The following MAN2A1 variants were observed in gnomAD, a reference collection of about 807,000 sequenced individuals.
MAN2A1 encodes alpha-mannosidase 2.
In MAN2A1, 76 loss-of-function variants were observed where a neutral mutation model predicts 142.6. The observed-to-expected ratio is 0.53, with a 90% CI of 0.44 to 0.65. MAN2A1 has a LOEUF of 0.65. MAN2A1 is among the 30% of genes least tolerant of loss of function. The pLI, the probability that MAN2A1 is intolerant of heterozygous loss-of-function variation, is 0.00. For synonymous variants in MAN2A1, 559 were observed against 473.2 expected, an observed-to-expected ratio of 1.18 and a Z score of -2.35; for missense variants, 1,311 against 1,365.1, an observed-to-expected ratio of 0.96 and a Z score of 0.62.
At chr5:109,733,248 TAAG>T (rs1323676191) in intron 4 of MAN2A1, among the ~76,000 whole-genome samples, 1 of 152,208 alleles carries the variant, frequency 6.6e-6, no homozygotes, top group Non-Finnish European at 1.5e-5. Context: ...CTTATCAGCT[TAAG>T]GAGATTTTGG....
In MAN2A1 at chr5:109,735,549, C is replaced by T. The variant is rs572034193; in HGVS notation, c.707+6036C>T. ...CCATGTTTAGTGCTTCCTTCAGGAG[C>T]CCACTGTCTGGCACTCTCTAGTGAG... On this transcript the variant is annotated intron_variant, in intron 4 of 21. Coordinates refer to ENST00000261483, the MANE Select transcript of MAN2A1 (RefSeq NM_002372.4). Among the ~76,000 whole-genome samples, 6 of 152,222 alleles carry T rather than the reference C, an allele frequency of 3.9e-5. No individual in the cohort carries two copies. In the East Asian group the frequency reaches 1.2e-3, roughly 29 times the overall value.
At chr5:109,850,120 C>A (rs1755447061) in intron 19 of MAN2A1, among the ~76,000 whole-genome samples, 1 of 152,206 alleles carries the variant, frequency 6.6e-6, no homozygotes, top group Admixed American at 6.5e-5. Context: ...CCTGTCTTCT[C>A]CCCTCCTTTG....
At chr5:109,718,528 A>G (rs937281273) in intron 3 of MAN2A1, among the ~76,000 whole-genome samples, 1 of 152,188 alleles carries the variant, frequency 6.6e-6, no homozygotes, top group Admixed American at 6.5e-5. Flanking sequence ...ATCTCCCACT[A>G]AAGTAAATTC....
chr5:109,767,858 T>C (rs1006650629), intron 6 of MAN2A1, 150 bp downstream of exon 6: 4 of 624,578 alleles, frequency 6.4e-6, no homozygotes, highest in African/African-American at 5.5e-5. Flanking sequence ...ATTTTTCCCA[T>C]GTGCCTGTGT....
intron 1 of MAN2A1, among the ~76,000 whole-genome samples, chr5:109,709,701 G>A (rs1156859014): frequency 6.6e-6 from 1 of 152,150 alleles, no homozygotes; most frequent in Non-Finnish European, 1.5e-5. Context: ...TTTGATATGT[G>A]ATTTTTTGCT....
At chr5:109,773,007 C>T (rs749263369) in intron 7 of MAN2A1, among the ~76,000 whole-genome samples, 3 of 152,018 alleles carry the variant, frequency 2.0e-5, no homozygotes, top group Non-Finnish European at 2.9e-5. Context: ...TTTGATGTTT[C>T]GGGGATTTTA....
At chr5:109,729,746 A>G (rs1055306158) in intron 4 of MAN2A1, among the ~76,000 whole-genome samples, 1 of 152,148 alleles carries the variant, frequency 6.6e-6, no homozygotes, top group Non-Finnish European at 1.5e-5. Flanking sequence ...TAATCCTAGC[A>G]CTTTGGGAGG....
intron 3 of MAN2A1, 89 bp downstream of exon 3, chr5:109,716,353 C>G: frequency 9.6e-7 from 1 of 1,036,956 alleles, no homozygotes; most frequent in Non-Finnish European, 1.4e-6. Flanking sequence ...GGCCACTTCT[C>G]AAATTTTTGA....
intron 12 of MAN2A1, among the ~76,000 whole-genome samples, chr5:109,807,437 A>G (rs1211422483): frequency 6.6e-6 from 1 of 152,214 alleles, no homozygotes; most frequent in Non-Finnish European, 1.5e-5. Flanking sequence ...TCAGAAGTTC[A>G]AGACCATTTT....
intron 1 of MAN2A1, among the ~76,000 whole-genome samples, chr5:109,702,520 A>G (rs1751017550): frequency 6.6e-6 from 1 of 152,182 alleles, no homozygotes; most frequent in South Asian, 2.1e-4. Context: ...GATAGTAAAG[A>G]AAAACTCCCT....
intron 10 of MAN2A1, among the ~76,000 whole-genome samples, 198 bp downstream of exon 10, chr5:109,785,124 T>G (rs1172964898): frequency 2.6e-5 from 4 of 152,142 alleles, no homozygotes; most frequent in African/African-American, 9.7e-5. Flanking sequence ...GCACCAACTT[T>G]TTATTGCAAT....
intron 1 of MAN2A1, among the ~76,000 whole-genome samples, chr5:109,709,748 A>G (rs1202838805): frequency 6.6e-6 from 1 of 152,112 alleles, no homozygotes; most frequent in Non-Finnish European, 1.5e-5. Flanking sequence ...AGTAAATCAA[A>G]TATCATGACC....
intron 12 of MAN2A1, among the ~76,000 whole-genome samples, chr5:109,813,043 AT>A (rs1754360842): frequency 6.6e-6 from 1 of 152,224 alleles, no homozygotes; most frequent in African/African-American, 2.4e-5. Flanking sequence ...TCATAAAAAT[AT>A]GTAAGTTGCT....
chr5:109,832,133 ATAAG>A (rs1754922888), intron 16 of MAN2A1, among the ~76,000 whole-genome samples: 1 of 149,308 alleles, frequency 6.7e-6, no homozygotes, highest in Non-Finnish European at 1.5e-5. Flanking sequence ...GTTCACATAA[ATAAG>A]TAGCTGGTAA....
chr5:109,759,164 T>A (rs1298591973), intron 5 of MAN2A1, among the ~76,000 whole-genome samples: 1 of 152,174 alleles, frequency 6.6e-6, no homozygotes, highest in African/African-American at 2.4e-5. Flanking sequence ...TATTGCCGTT[T>A]TAACAATGTC....
At chr5:109,738,233 G>GT (rs70999941) in intron 4 of MAN2A1, among the ~76,000 whole-genome samples, 6,413 of 122,486 alleles carry the variant, frequency 0.052, 210 homozygotes, top group Non-Finnish European at 0.078. Flanking sequence ...GGTATTTTAT[G>GT]TTTTTTTTTT....
At chr5:109,788,854 G>T in intron 10 of MAN2A1, 80 bp from the exon 11 acceptor site, 1 of 678,142 alleles carries the variant, frequency 1.5e-6, no homozygotes, top group Non-Finnish European at 2.7e-6. Flanking sequence ...CTGGTGGTTT[G>T]GCTATTAGTA....
At chr5:109,692,104 A>G (rs1467492653) in intron 1 of MAN2A1, among the ~76,000 whole-genome samples, 1 of 152,204 alleles carries the variant, frequency 6.6e-6, no homozygotes, top group Non-Finnish European at 1.5e-5. Context: ...GGTTTATGCA[A>G]ACATCTGGAC....
At chr5:109,850,169 T>C (rs1755448442) in intron 19 of MAN2A1, among the ~76,000 whole-genome samples, 1 of 152,214 alleles carries the variant, frequency 6.6e-6, no homozygotes, top group Non-Finnish European at 1.5e-5. Flanking sequence ...GTGCCTTTCT[T>C]TGCTTCTAGG....
Sources: allele counts gnomAD v4.1 joint callset (sites outside exome capture counted in the v4.1 genomes callset), GRCh38; gene constraint gnomAD v4.1.1; transcripts MANE v1.5; gene names NCBI Gene and HGNC (gene_info 2026-07-23, HGNC 2026-07-21).